SCN3A: variants seen among roughly 807,000 people sequenced by gnomAD.
SCN3A encodes sodium channel protein type 3 subunit alpha.
A neutral mutation model predicts 187.6 loss-of-function variants in SCN3A; 60 were observed. The ratio of observed to expected loss-of-function variants is 0.32; its 90% CI spans 0.26 to 0.40. The LOEUF (loss-of-function observed/expected upper bound fraction) is 0.40. SCN3A is among the 10% of genes least tolerant of loss of function. The pLI is 1.00. For missense variants in SCN3A, 1,601 were observed against 2,428.2 expected (o/e 0.66, Z 7.16); for synonymous variants, 788 against 829.2 (o/e 0.95, Z 0.85).
intron 1 of SCN3A, among the ~76,000 whole-genome samples, chr2:165,191,826 G>T (rs1312179877): frequency 6.6e-6 from 1 of 152,094 alleles, no homozygotes; most frequent in Non-Finnish European, 1.5e-5. Context: ...TTTCACCAAT[G>T]AATCTCATGT....
At chr2:165,126,373 CCTTCCTTG>C (rs1042752130) in intron 18 of SCN3A, among the ~76,000 whole-genome samples, 12 of 151,892 alleles carry the variant, frequency 7.9e-5, no homozygotes, top group African/African-American at 2.9e-4. Flanking sequence ...CAATTTCCTT[CCTTCCTTG>C]CTTCCTTCCT....
At chr2:165,159,559 C>G (rs1331336302) in intron 9 of SCN3A, among the ~76,000 whole-genome samples, 3 of 134,636 alleles carry the variant, frequency 2.2e-5, no homozygotes, top group African/African-American at 6.1e-5. Flanking sequence ...AACAGTGTCT[C>G]CCTATGCTGC....
intron 1 of SCN3A, among the ~76,000 whole-genome samples, chr2:165,193,115 G>A (rs1017022628): frequency 2.6e-5 from 4 of 151,866 alleles, no homozygotes; most frequent in Admixed American, 6.6e-5. Flanking sequence ...TATTTCTAAC[G>A]CACTGTGCTT....
chr2:165,147,003 T>C lies in SCN3A; in HGVS notation c.1407A>G (p.Ser469=). 1 of 1,613,988 alleles carries C rather than the reference T, an allele frequency of 6.2e-7. No individual in the cohort carries two copies. Residue 469 remains serine (S), a synonymous_variant, in exon 12 of 28, where the codon TCA becomes TCG. Coordinates refer to ENST00000283254, the MANE Select transcript of SCN3A (RefSeq NM_006922.4). The part of the protein sequence containing the change: ...AQAVAAASAA[S]RDFSGIGGLG... ...ACCCACCTATTCCACTGAAATCTCT[T>C]GAAGCAGCTGATGCTGCCGCAACTG... is the stretch of plus-strand genomic sequence containing the variant.
chr2:165,183,640 T>A (rs1292032785), intron 2 of SCN3A, among the ~76,000 whole-genome samples: 4 of 152,246 alleles, frequency 2.6e-5, no homozygotes, highest in Admixed American at 6.5e-5. Context: ...GTTCTCATCT[T>A]GCCTAATTTT....
chr2:165,092,050 T>C lies in SCN3A; in HGVS notation c.4807+204A>G. The C allele has an allele frequency of 1.6e-6, 1 of 609,094 alleles. No homozygotes were observed. The allele number at this position is 609,094 out of a possible 1,614,324, so 37.7% of individuals were successfully genotyped here. A position where few individuals can be genotyped will look rare whatever the true frequency, so the allele number is the denominator to read the frequency against. Reference sequence around the variant, plus strand: ...CTGTCTTCTTCACCTCTTTCCCAAATCTGGTATTCCTAACATGGTTTCTAA... The same window carrying C: ...CTGTCTTCTTCACCTCTTTCCCAAACCTGGTATTCCTAACATGGTTTCTAA... On this transcript the variant is annotated intron_variant, in intron 27 of 27. Coordinates refer to ENST00000283254, the MANE Select transcript of SCN3A (RefSeq NM_006922.4). The surrounding 1 kb of genome is among the most constrained non-coding windows in gnomAD (Gnocchi z 4.2).
intron 21 of SCN3A, among the ~76,000 whole-genome samples, chr2:165,100,770 T>G (rs1685567525): frequency 6.6e-6 from 1 of 152,224 alleles, no homozygotes; most frequent in Admixed American, 6.5e-5. Context: ...TTAAAATTAT[T>G]GATTAGAAAT....
intron 2 of SCN3A, among the ~76,000 whole-genome samples, chr2:165,182,506 A>G (rs1301585138): frequency 6.6e-6 from 1 of 152,214 alleles, no homozygotes; most frequent in Non-Finnish European, 1.5e-5. Flanking sequence ...TCAATAAGTT[A>G]GGGAGAAAAA....
chr2:165,117,785 A>C (rs142364961), intron 18 of SCN3A, among the ~76,000 whole-genome samples: 39 of 152,240 alleles, frequency 2.6e-4, no homozygotes, highest in African/African-American at 9.4e-4. Context: ...ATAAAAAATA[A>C]TATGTTAATA....
chr2:165,100,173 T>G, intron 22 of SCN3A, 129 bp downstream of exon 22: 1 of 1,119,404 alleles, frequency 8.9e-7, no homozygotes, highest in East Asian at 2.5e-5. Context: ...CTTTGTGATA[T>G]CTAAGATTTT....
rs1229487236 is a variant in SCN3A, at chr2:165,091,164, G to A, written c.4989C>T (p.Phe1663=). 1 of 1,613,964 alleles carries A rather than the reference G, an allele frequency of 6.2e-7. No homozygotes were observed. Among genetic ancestry groups the A allele is most frequent in the Non-Finnish European group, 8.5e-7 (1 of 1,179,996 alleles). The part of the protein sequence containing the change: ...PALFNIGLLL[F]LVMFIYAIFG... Reference sequence around the variant, plus strand: ...AGATGGCATAGATAAACATGACCAGGAAGAGCAGGAGGCCGATGTTAAACA... The same window carrying A: ...AGATGGCATAGATAAACATGACCAGAAAGAGCAGGAGGCCGATGTTAAACA... Residue 1663 remains phenylalanine (F), a synonymous_variant, in exon 28 of 28, where the codon TTC becomes TTT. Coordinates refer to ENST00000283254, the MANE Select transcript of SCN3A (RefSeq NM_006922.4).
At chr2:165,124,833 A>T (rs1686894098) in intron 18 of SCN3A, among the ~76,000 whole-genome samples, 1 of 152,162 alleles carries the variant, frequency 6.6e-6, no homozygotes, top group Non-Finnish European at 1.5e-5. Flanking sequence ...CCTCATTGCT[A>T]CCGAATGATT....
At chr2:165,128,841 A>G (rs895690824) in intron 17 of SCN3A, among the ~76,000 whole-genome samples, 3 of 152,062 alleles carry the variant, frequency 2.0e-5, no homozygotes, top group Non-Finnish European at 4.4e-5. Context: ...GGCGATTTTA[A>G]CTTTCAGAAT....
chr2:165,140,098 C>T lies in SCN3A; in HGVS notation c.2020-490G>A, dbSNP rs768286895. Among the ~76,000 whole-genome samples the T allele has an allele frequency of 6.6e-5, 10 of 152,004 alleles. No individual in the cohort carries two copies. Among genetic ancestry groups the T allele is most frequent in the Non-Finnish European group, 1.2e-4 (8 of 67,990 alleles). Reference sequence around the variant, plus strand: ...TTTTCCATGCACAAACACAGATGTACGATGAAATGTGTGTGCTTTCCTGAA... The same window carrying T: ...TTTTCCATGCACAAACACAGATGTATGATGAAATGTGTGTGCTTTCCTGAA... On this transcript the variant is annotated intron_variant, in intron 13 of 27. Coordinates refer to ENST00000283254, the MANE Select transcript of SCN3A (RefSeq NM_006922.4). The surrounding 1 kb of genome is among the most constrained non-coding windows in gnomAD (Gnocchi z 4.2).
intron 21 of SCN3A, among the ~76,000 whole-genome samples, chr2:165,107,165 G>T (rs1574119258): frequency 6.6e-6 from 1 of 152,148 alleles, no homozygotes; most frequent in African/African-American, 2.4e-5. Context: ...GCAGTTAGAA[G>T]TATGGGTTGG....
intron 21 of SCN3A, 66 bp from the exon 22 acceptor site, chr2:165,100,490 G>T: frequency 2.6e-6 from 4 of 1,524,952 alleles, no homozygotes; most frequent in Non-Finnish European, 3.6e-6. Flanking sequence ...GGTATAGGGT[G>T]TGGTATCTAT....
chr2:165,153,330 C>T (rs1688808568), intron 11 of SCN3A, among the ~76,000 whole-genome samples: 1 of 151,864 alleles, frequency 6.6e-6, no homozygotes, highest in African/African-American at 2.4e-5. Flanking sequence ...AAGCATAAAA[C>T]TAACTTAAGA....
rs1375435746 is a variant in SCN3A at position 165,092,444 on chromosome 2, G to A, written c.4617C>T (p.Asn1539=). 6.2e-7 allele frequency: 1 copy of A among 1,614,028 alleles called. No individual in the cohort carries two copies. The highest frequency in any genetic ancestry group is 8.5e-7 in the Non-Finnish European group (1 of 1,179,942). The change falls in exon 27 of 28, where the codon AAC becomes AAT. Residue 1539 remains asparagine, a synonymous_variant. Coordinates refer to ENST00000283254, the MANE Select transcript of SCN3A (RefSeq NM_006922.4). The surrounding 1 kb of genome is among the most constrained non-coding windows in gnomAD (Gnocchi z 4.2). ...CCGTTTCCACCATCATGGTGACCAT[G>A]TTGAGGCAGATGAGGATCATGATGC... ...DISIMILICL[N]MVTMMVETDD...
intron 10 of SCN3A, among the ~76,000 whole-genome samples, chr2:165,155,402 T>C (rs552516178): frequency 6.6e-6 from 1 of 152,126 alleles, no homozygotes; most frequent in Admixed American, 6.5e-5. Context: ...CCCTTTCCCT[T>C]TCCCTTTCTT....
Sources: allele counts gnomAD v4.1 joint callset (sites outside exome capture counted in the v4.1 genomes callset), GRCh38; gene constraint gnomAD v4.1.1; non-coding constraint Gnocchi (gnomAD v3.1); transcripts MANE v1.5; gene names NCBI Gene and HGNC (gene_info 2026-07-23, HGNC 2026-07-21).